Variants in LIMCH1 observed in about 807,000 individuals in gnomAD.
LIMCH1 encodes LIM and calponin homology domains-containing protein 1.
In LIMCH1, 113 loss-of-function variants were observed where a neutral mutation model predicts 176.5. That is an observed-to-expected ratio of 0.64 (90% CI 0.55 to 0.75). LIMCH1 has a LOEUF of 0.75. LIMCH1 is among the 30% of genes least tolerant of loss of function. The pLI, the probability that LIMCH1 is intolerant of heterozygous loss-of-function variation, is 0.00. For synonymous variants in LIMCH1, 619 were observed against 645.9 expected, an observed-to-expected ratio of 0.96 and a Z score of 0.63; for missense variants, 1,674 against 1,814.9, an observed-to-expected ratio of 0.92 and a Z score of 1.41.
intron 1 of LIMCH1, among the ~76,000 whole-genome samples, chr4:41,462,177 A>G (rs769727725): frequency 5.3e-5 from 8 of 152,204 alleles, no homozygotes; most frequent in Admixed American, 1.3e-4. Context: ...GTGTGGGGAT[A>G]CGATGGATTT....
At chr4:41,382,895 A>T (rs1333032089) in intron 1 of LIMCH1, among the ~76,000 whole-genome samples, 3 of 152,032 alleles carry the variant, frequency 2.0e-5, no homozygotes, top group African/African-American at 7.3e-5. Context: ...GGGCCAAGCA[A>T]TCCTCCCACC....
Position 41,419,654 on chromosome 4 carries a change from T to G in LIMCH1, c.96+58718T>G, listed in dbSNP as rs1308190417. ...TCCTTCCTCCTTCCTTTCTTCCTCC[T>G]TCCTTCCTTCCTTCCTTCCTTCCTT... On this transcript the variant is annotated intron_variant, in intron 1 of 26. Coordinates refer to the LIMCH1 transcript ENST00000313860. 8.0e-3 allele frequency among the ~76,000 whole-genome samples: 382 copies of G among 47,730 alleles called. 5 individuals carry two copies. Among genetic ancestry groups the G allele is most frequent in the African/African-American group, 0.034 (242 of 7,100 alleles). 31.3% of individuals were successfully genotyped at this position (47,730 alleles called of 152,430 possible). A position where few individuals can be genotyped will look rare whatever the true frequency, so the allele number is the denominator to read the frequency against.
intron 1 of LIMCH1, among the ~76,000 whole-genome samples, chr4:41,488,322 G>A (rs1409584755): frequency 6.6e-6 from 1 of 152,180 alleles, no homozygotes; most frequent in Non-Finnish European, 1.5e-5. Context: ...CACATCAGTG[G>A]CAGAAAAATC....
chr4:41,368,842 G>A (rs1157687351), intron 1 of LIMCH1, among the ~76,000 whole-genome samples: 1 of 152,142 alleles, frequency 6.6e-6, no homozygotes. Context: ...ACTCTTCTAA[G>A]AAAAATGCGG....
chr4:41,608,243 C>T (rs934417481), intron 4 of LIMCH1, among the ~76,000 whole-genome samples: 5 of 152,128 alleles, frequency 3.3e-5, no homozygotes, highest in African/African-American at 7.2e-5. Context: ...GGAGGAATGG[C>T]GGGGAGAAGA....
At chr4:41,565,124 G>T (rs1293368184) in intron 1 of LIMCH1, among the ~76,000 whole-genome samples, 1 of 152,122 alleles carries the variant, frequency 6.6e-6, no homozygotes, top group Non-Finnish European at 1.5e-5. Flanking sequence ...CCTCAAATTA[G>T]ACCTTGGTAG....
intron 13 of LIMCH1, among the ~76,000 whole-genome samples, chr4:41,637,312 C>T (rs1385139831): frequency 6.6e-6 from 1 of 152,190 alleles, no homozygotes; most frequent in Non-Finnish European, 1.5e-5. Flanking sequence ...CCTCACCCTC[C>T]AGAGTAGCTG....
intron 1 of LIMCH1, among the ~76,000 whole-genome samples, chr4:41,560,749 T>C (rs2081962945): frequency 6.6e-6 from 1 of 151,456 alleles, no homozygotes; most frequent in Non-Finnish European, 1.5e-5. Flanking sequence ...TCAGGCATGG[T>C]GGCATGTTCC....
chr4:41,420,658 C>T (rs2060530122), intron 1 of LIMCH1, among the ~76,000 whole-genome samples: 1 of 152,208 alleles, frequency 6.6e-6, no homozygotes, highest in Non-Finnish European at 1.5e-5. Flanking sequence ...GCAGGGACCT[C>T]TGAAGGCAGG....
intron 1 of LIMCH1, among the ~76,000 whole-genome samples, chr4:41,467,158 TACACACACACAC>T (rs148147336): frequency 0.047 from 6,778 of 143,496 alleles, 263 homozygotes; most frequent in African/African-American, 0.076. Context: ...TATGTATATA[TACACACACACAC>T]ACACACACAC....
chr4:41,666,002 C>T (rs2094808444), intron 20 of LIMCH1, among the ~76,000 whole-genome samples: 2 of 152,324 alleles, frequency 1.3e-5, no homozygotes, highest in East Asian at 1.9e-4. Context: ...TACTAAGGCA[C>T]TGTTCGACAG....
chr4:41,394,951 T>C (rs1274345273), intron 1 of LIMCH1, among the ~76,000 whole-genome samples: 6 of 152,192 alleles, frequency 3.9e-5, no homozygotes, highest in Non-Finnish European at 8.8e-5. Context: ...CGGCTTCACT[T>C]TTTTCTTTGG....
intron 1 of LIMCH1, among the ~76,000 whole-genome samples, chr4:41,563,867 C>T (rs1232890401): frequency 2.6e-5 from 4 of 152,118 alleles, no homozygotes; most frequent in Non-Finnish European, 4.4e-5. Flanking sequence ...CATTCTTGGA[C>T]CAGCTATCAG....
chr4:41,650,463 C>T lies in LIMCH1; in HGVS notation c.2891C>T (p.Thr964Met), dbSNP rs770881438. ...GAGGAGAAGGAAAGAGAGTGTCCCA[C>T]GGTGGCACCTGCCCACTCCTTAACC... ...REEEKERECP[T>M]VAPAHSLTKS... Residue 964 changes from threonine to methionine, a missense_variant, in exon 18 of 32, where the codon ACG (threonine) becomes ATG (methionine). Physicochemically the swap from Thr to Met is moderately conservative, Grantham distance 81. Transcript: ENST00000503057. The T allele has an allele frequency of 9.3e-6, 15 of 1,613,922 alleles. No homozygotes were observed. The highest frequency in any genetic ancestry group is 7.7e-5 in the South Asian group (7 of 91,082).
rs1011743777 is a variant in LIMCH1, at chr4:41,700,005, T to C, written c.*2820T>C. The stretch of plus-strand genomic sequence containing the variant: ...AAGTTGTCTAAAATGCAACAGCTTT[T>C]ATAGTAAATGTACATTTATAAATAA... On this transcript the variant is annotated 3_prime_UTR_variant, in exon 32 of 32. Coordinates refer to ENST00000503057, the MANE Select transcript of LIMCH1 (RefSeq NM_001330672.2). 2 of 152,206 alleles carry C rather than the reference T, an allele frequency of 1.3e-5. No homozygotes were observed. The highest frequency in any genetic ancestry group is 4.8e-5 in the African/African-American group (2 of 41,462). 9.4% of individuals were successfully genotyped at this position (152,206 alleles called of 1,614,324 possible). A position where few individuals can be genotyped will look rare whatever the true frequency, so the allele number is the denominator to read the frequency against.
At chr4:41,516,307 G>T (rs6855156) in intron 2 of LIMCH1, among the ~76,000 whole-genome samples, 78,877 of 152,030 alleles carry the variant, frequency 0.52, 23,640 homozygotes, top group African/African-American at 0.83. Context: ...GTGGTCAGTT[G>T]GAGTGCAGTT....
intron 1 of LIMCH1, among the ~76,000 whole-genome samples, chr4:41,431,683 G>A (rs1483704854): frequency 6.6e-6 from 1 of 152,138 alleles, no homozygotes; most frequent in Non-Finnish European, 1.5e-5. Flanking sequence ...ATTATGATAT[G>A]TGTATGTTTT....
At chr4:41,673,901 C>T (rs1353925906) in intron 22 of LIMCH1, among the ~76,000 whole-genome samples, 1 of 152,198 alleles carries the variant, frequency 6.6e-6, no homozygotes, top group East Asian at 1.9e-4. Context: ...AGTTATCACA[C>T]TGTCTTCTGG....
At chr4:41,441,393 T>G (rs1164748588) in intron 1 of LIMCH1, among the ~76,000 whole-genome samples, 1 of 152,186 alleles carries the variant, frequency 6.6e-6, no homozygotes, top group Non-Finnish European at 1.5e-5. Flanking sequence ...CATTTCTGAG[T>G]TTCTGTAAAG....
Sources: allele counts gnomAD v4.1 joint callset (sites outside exome capture counted in the v4.1 genomes callset), GRCh38; gene constraint gnomAD v4.1.1; transcripts MANE v1.5; gene names NCBI Gene and HGNC (gene_info 2026-07-23, HGNC 2026-07-21).